The following FN1 variants were observed in gnomAD, a reference collection of about 807,000 sequenced individuals.
FN1 encodes the protein fibronectin.
In FN1, 106 loss-of-function variants were observed where a neutral mutation model predicts 297.3. That is an observed-to-expected ratio of 0.36 (90% CI 0.30 to 0.42). FN1 has a LOEUF of 0.42. Ranked by LOEUF, FN1 falls within the 10% of genes least tolerant of loss-of-function variation. FN1 has a pLI of 1.00. For synonymous variants in FN1, 1,149 were observed against 1,152.6 expected, an observed-to-expected ratio of 1.00 and a Z score of 0.06; for missense variants, 2,690 against 3,124.9, an observed-to-expected ratio of 0.86 and a Z score of 3.32.
chr2:215,406,187 C>A, intron 19 of FN1, 51 bp downstream of exon 19: 1 of 1,582,148 alleles, frequency 6.3e-7, no homozygotes, highest in Non-Finnish European at 8.7e-7. Context: ...TCACAGGCTG[C>A]AAGTGAGGGT....
At chr2:215,427,981 C>T (rs534434205) in intron 6 of FN1, among the ~76,000 whole-genome samples, 199 bp downstream of exon 6, 2 of 152,004 alleles carry the variant, frequency 1.3e-5, no homozygotes, top group East Asian at 3.9e-4. Context: ...ATTTGTATGT[C>T]ATTTTTCTTT....
intron 6 of FN1, 152 bp from the exon 7 acceptor site, chr2:215,425,437 A>T: frequency 1.3e-6 from 1 of 781,926 alleles, no homozygotes; most frequent in South Asian, 1.5e-5. Flanking sequence ...CTTATTCAGC[A>T]GTAGCTTTTG....
chr2:215,405,455 A>G (rs1460218920), intron 19 of FN1, among the ~76,000 whole-genome samples: 2 of 152,176 alleles, frequency 1.3e-5, no homozygotes, highest in East Asian at 3.9e-4. Context: ...TACTAGTAAG[A>G]CCTTCCGGCT....
At position 215,420,207 on chromosome 2, in the gene FN1, C is replaced by T. The variant is rs1464941835; in HGVS notation, c.1675+466G>A. ...ATACAAAATTAGCTGGGCCTGGTGGCGCATGCCTGTAATCCCAGCTACTCA... is the reference window on the plus strand; with the variant it reads ...ATACAAAATTAGCTGGGCCTGGTGGTGCATGCCTGTAATCCCAGCTACTCA... On this transcript the variant is annotated intron_variant, in intron 11 of 45. Transcript: ENST00000354785. Among the ~76,000 whole-genome samples the T allele has an allele frequency of 1.3e-4, 20 of 152,120 alleles. No individual in the cohort carries two copies. The East Asian group carries it at 2.9e-3, about 22-fold the overall frequency.
At chr2:215,365,898 TG>T (rs2054476988) in intron 42 of FN1, 1 of 185,460 alleles carries the variant, frequency 5.4e-6, no homozygotes, top group African/African-American at 2.4e-5. Context: ...CTCCATCTCC[TG>T]GGTTCATGCA....
At position 215,394,625 on chromosome 2, in the gene FN1, A is replaced by C; in HGVS notation, c.3699T>G (p.Thr1233=). Residue 1233 remains threonine (T), a synonymous_variant, in exon 24 of 46, where the codon ACT becomes ACG. Transcript: ENST00000354785. ...CCAGGCCGGGACTCAGGTTATCAAA[A>C]GTGCAGGAGCTCTGATCAGCATGGA... ...EVVHADQSSC[T]FDNLSPGLEY... 1.2e-6 allele frequency: 2 copies of C among 1,614,160 alleles called. No individual in the cohort carries two copies. Among genetic ancestry groups the C allele is most frequent in the Non-Finnish European group, 1.7e-6 (2 of 1,179,988 alleles).
chr2:215,369,389 G>A (rs2055360434), intron 41 of FN1, among the ~76,000 whole-genome samples: 1 of 152,128 alleles, frequency 6.6e-6, no homozygotes, highest in South Asian at 2.1e-4. Context: ...CCAGCCAAAT[G>A]CTCAACTGCT....
intron 30 of FN1, among the ~76,000 whole-genome samples, 184 bp downstream of exon 30, chr2:215,383,836 T>C (rs577851050): frequency 1.3e-5 from 2 of 152,232 alleles, no homozygotes; most frequent in Non-Finnish European, 2.9e-5. Context: ...CTGAACTTCC[T>C]GCCCTTGGGG....
chr2:215,432,226 T>G (rs1158113988), intron 3 of FN1, among the ~76,000 whole-genome samples: 1 of 151,920 alleles, frequency 6.6e-6, no homozygotes, highest in Admixed American at 6.6e-5. Flanking sequence ...CCCAGAGAGA[T>G]CACAGGAAAT....
chr2:215,416,387 C>A (rs1166304582), intron 12 of FN1, among the ~76,000 whole-genome samples: 2 of 152,094 alleles, frequency 1.3e-5, no homozygotes, highest in Admixed American at 6.6e-5. Context: ...TGGCATAAGT[C>A]AATTCCATGC....
At chr2:215,434,665 G>T (rs1182257585) in intron 2 of FN1, 31 bp downstream of exon 2, 11 of 1,613,490 alleles carry the variant, frequency 6.8e-6, no homozygotes, top group South Asian at 2.2e-5. Context: ...TGTATTAAAA[G>T]ATACTAACTA....
In FN1 at chr2:215,370,328, C is replaced by T. The variant is rs2055634894; in HGVS notation, c.6819G>A (p.Lys2273=). 3 of 1,614,026 alleles carry T rather than the reference C, an allele frequency of 1.9e-6. No homozygotes were observed. In the African/African-American group the frequency reaches 4.0e-5, roughly 22 times the overall value. ...VEALKDQQRH[K]VREEVVTVGN... ...CCACGGTAACAACCTCTTCCCGAAC[C>T]TTATGCCTCTGCTGGTCTTTCAGTG... The change falls in exon 41 of 46, where the codon AAG becomes AAA. Residue 2273 remains lysine, a synonymous_variant. Coordinates refer to ENST00000354785, the MANE Select transcript of FN1 (RefSeq NM_212482.4).
rs1010802162 is a variant in FN1 at position 215,399,249 on chromosome 2, C to T, written c.3348+8G>A. The T allele has an allele frequency of 1.6e-5, 25 of 1,596,172 alleles. No homozygotes were observed. Among genetic ancestry groups the T allele is most frequent in the East Asian group, 4.5e-5 (2 of 44,766 alleles). ...GTATCACAGAGATTAGGAACATCTG[C>T]AGTTTACCTTAAAACCAATTCTTGG... On this transcript the variant is annotated splice_region_variant and intron_variant, in intron 21 of 45. Transcript: ENST00000354785.
chr2:215,371,848 AGTTACCTAACTTATTCCTTTCTGTGCT>A, intron 40 of FN1, 34 bp downstream of exon 40: 1 of 1,436,546 alleles, frequency 7.0e-7, no homozygotes, highest in South Asian at 1.1e-5. Flanking sequence ...TGGTCACTTC[AGTTACCTAACTTATTCCTTTCTGTGCT>A]GCCCCATGAG....
At chr2:215,409,468 C>T in intron 15 of FN1, 95 bp downstream of exon 15, 1 of 1,197,628 alleles carries the variant, frequency 8.3e-7, no homozygotes, top group Non-Finnish European at 1.2e-6. Context: ...CAGTTCCAAA[C>T]CACAGATACC....
At chr2:215,381,295 G>C in intron 32 of FN1, 1 of 594,008 alleles carries the variant, frequency 1.7e-6, no homozygotes, top group South Asian at 2.0e-5. Context: ...AGGTGTATGT[G>C]AGATAAGCAG....
chr2:215,361,504 G>A lies in FN1; in HGVS notation c.*51C>T, dbSNP rs2053424511. 1 of 1,294,312 alleles carries A rather than the reference G, an allele frequency of 7.7e-7. No individual in the cohort carries two copies. The highest frequency in any genetic ancestry group is 1.5e-5 in the African/African-American group (1 of 68,872). The allele number at this position is 1,294,312 out of a possible 1,614,324, so 80.2% of individuals were successfully genotyped here. A position where few individuals can be genotyped will look rare whatever the true frequency, so the allele number is the denominator to read the frequency against. ...GGTCTGCTAACATCACTCCAGTTTAGATGGATCTTGGCAGAGAGACATGCT... is the reference window on the plus strand; with the variant it reads ...GGTCTGCTAACATCACTCCAGTTTAAATGGATCTTGGCAGAGAGACATGCT... On this transcript the variant is annotated 3_prime_UTR_variant, in exon 46 of 46. Transcript: ENST00000354785.
intron 41 of FN1, 41 bp from the exon 42 acceptor site, chr2:215,368,068 T>C (rs373419360): frequency 5.5e-4 from 874 of 1,602,990 alleles, no homozygotes; most frequent in Non-Finnish European, 7.3e-4. Context: ...AGACATCTTA[T>C]TAATCGATTT....
Position 215,406,437 on chromosome 2 carries a change from C to A in FN1, c.2787G>T (p.Pro929=). ...GGTAGCCGGTCACTGCACTCTCAGG[C>A]GGTGTCCACATGATGGTGACCTTCA... is the stretch of plus-strand genomic sequence containing the variant. ...TDVKVTIMWT[P]PESAVTGYRV... The change falls in exon 19 of 46, where the codon CCG becomes CCT. Residue 929 remains proline (P), a synonymous_variant. Coordinates refer to ENST00000354785, the MANE Select transcript of FN1 (RefSeq NM_212482.4). 6.2e-7 allele frequency: 1 copy of A among 1,614,122 alleles called. No individual in the cohort carries two copies. Among genetic ancestry groups the A allele is most frequent in the Non-Finnish European group, 8.5e-7 (1 of 1,180,024 alleles).
Sources: gnomAD v4.1 joint callset for allele counts (sites outside exome capture counted in the v4.1 genomes callset) on GRCh38, gnomAD v4.1.1 for gene constraint, MANE v1.5 for transcripts, NCBI Gene and HGNC (gene_info 2026-07-23, HGNC 2026-07-21) for gene names.